PEX13: variants seen among roughly 807,000 people sequenced by gnomAD.
PEX13 encodes peroxisome biogenesis factor 13.
PEX13 carries 28 observed loss-of-function variants against 34.5 expected under a neutral mutation model. That is an observed-to-expected ratio of 0.81 (90% CI 0.60 to 1.11). The LOEUF (loss-of-function observed/expected upper bound fraction) is 1.11, where lower values mean the gene tolerates loss of function less well. Ranked by LOEUF, PEX13 falls within the 50% of genes most tolerant of loss-of-function variation. The pLI is 0.00. For missense variants in PEX13, 550 were observed against 491.0 expected (o/e 1.12, Z -1.13); for synonymous variants, 177 against 175.1 (o/e 1.01, Z -0.09).
intron 2 of PEX13, among the ~76,000 whole-genome samples, chr2:61,036,363 G>T (rs558418188): frequency 4.6e-5 from 7 of 152,136 alleles, no homozygotes; most frequent in Non-Finnish European, 8.8e-5. Context: ...AGGAAAAAAT[G>T]TTAAGAGCAG....
chr2:61,027,832 C>T (rs1680386691), intron 1 of PEX13, among the ~76,000 whole-genome samples: 1 of 152,122 alleles, frequency 6.6e-6, no homozygotes, highest in Non-Finnish European at 1.5e-5. Flanking sequence ...AGCCTGAATG[C>T]ACTGCACTAT....
intron 1 of PEX13, among the ~76,000 whole-genome samples, chr2:61,024,460 C>CACTGAT (rs1411954954): frequency 6.6e-6 from 1 of 152,124 alleles, no homozygotes; most frequent in East Asian, 1.9e-4. Flanking sequence ...ATTTTCTTCC[C>CACTGAT]ATCTCTTTCC....
At chr2:61,031,321 T>A in intron 1 of PEX13, 98 bp from the exon 2 acceptor site, 1 of 872,572 alleles carries the variant, frequency 1.1e-6, no homozygotes. Context: ...TCAGTAGAAT[T>A]TGTCATAGCA....
intron 1 of PEX13, among the ~76,000 whole-genome samples, chr2:61,024,923 AT>A: frequency 6.6e-6 from 1 of 152,108 alleles, no homozygotes; most frequent in Non-Finnish European, 1.5e-5. Context: ...TATAGTTCCT[AT>A]TTTCTTTTGG....
chr2:61,042,142 C>T lies in PEX13; in HGVS notation c.788-3584C>T, dbSNP rs530864212. ...AGAATGTTTTAAAAATTGAAATAATCTGTGATGTGAAAATTATATAGAATT... is the reference window on the plus strand; with the variant it reads ...AGAATGTTTTAAAAATTGAAATAATTTGTGATGTGAAAATTATATAGAATT... On this transcript the variant is annotated intron_variant, in intron 2 of 3. Coordinates refer to ENST00000295030, the MANE Select transcript of PEX13 (RefSeq NM_002618.4). Among the ~76,000 whole-genome samples the T allele has an allele frequency of 3.4e-4, 52 of 152,312 alleles. No homozygotes were observed. The Middle Eastern group carries it at 0.01, about 30-fold the overall frequency.
At chr2:61,031,047 T>C (rs1189153420) in intron 1 of PEX13, among the ~76,000 whole-genome samples, 1 of 152,156 alleles carries the variant, frequency 6.6e-6, no homozygotes, top group African/African-American at 2.4e-5. Flanking sequence ...CCCAGCACTT[T>C]AGGAAACCAA....
intron 2 of PEX13, among the ~76,000 whole-genome samples, chr2:61,043,224 C>T (rs1466591914): frequency 2.0e-5 from 3 of 150,500 alleles, no homozygotes; most frequent in Non-Finnish European, 3.0e-5. Flanking sequence ...AGGCTGGGTT[C>T]GGTGGCTCAT....
chr2:61,026,159 C>T (rs1422766768), intron 1 of PEX13, among the ~76,000 whole-genome samples: 2 of 151,884 alleles, frequency 1.3e-5, no homozygotes, highest in African/African-American at 4.8e-5. Context: ...AAACAGAATT[C>T]CTTCCTATTT....
Position 61,031,848 on chromosome 2 carries a change from C to T in PEX13, c.522C>T (p.His174=). 6.2e-7 allele frequency: 1 copy of T among 1,612,992 alleles called. No homozygotes were observed. Among genetic ancestry groups the T allele is most frequent in the Non-Finnish European group, 8.5e-7 (1 of 1,178,924 alleles). The part of the protein sequence containing the change: ...VANHFSRLKI[H]FTKVFSAFAL... ...ATCACTTTTCCCGATTGAAAATACA[C>T]TTTACAAAAGTGTTTTCAGCTTTTG... The change falls in exon 2 of 4, where the codon CAC becomes CAT. Residue 174 remains histidine (H), a synonymous_variant. Transcript: ENST00000295030.
intron 3 of PEX13, among the ~76,000 whole-genome samples, chr2:61,047,802 G>T (rs1680727507): frequency 6.6e-6 from 1 of 152,138 alleles, no homozygotes; most frequent in South Asian, 2.1e-4. Context: ...AAATTATAAT[G>T]TTGAACTAAA....
chr2:61,044,331 C>T (rs1451086222), intron 2 of PEX13, among the ~76,000 whole-genome samples: 2 of 152,190 alleles, frequency 1.3e-5, no homozygotes, highest in South Asian at 2.1e-4. Context: ...GTGCGTAGTG[C>T]AGTCTCGGCT....
chr2:61,033,552 TAGGG>T (rs775874237), intron 2 of PEX13, among the ~76,000 whole-genome samples: 8 of 152,086 alleles, frequency 5.3e-5, no homozygotes, highest in Non-Finnish European at 1.2e-4. Context: ...GGCAGTCTAA[TAGGG>T]AGAAACAGTA....
chr2:61,018,754 G>A (rs1680173694), intron 1 of PEX13: 1 of 152,450 alleles, frequency 6.6e-6, no homozygotes, highest in African/African-American at 2.4e-5. Context: ...GTTTAATAAG[G>A]ATATATACAT....
At chr2:61,039,472 G>T (rs1265404320) in intron 2 of PEX13, among the ~76,000 whole-genome samples, 1 of 152,010 alleles carries the variant, frequency 6.6e-6, no homozygotes, top group African/African-American at 2.4e-5. Context: ...TGACAAACCT[G>T]ACAAAAACAA....
intron 2 of PEX13, among the ~76,000 whole-genome samples, chr2:61,041,995 T>C (rs545018788): frequency 1.5e-4 from 23 of 152,226 alleles, no homozygotes; most frequent in Non-Finnish European, 2.8e-4. Flanking sequence ...TCCTATTACT[T>C]TAGCTCTTAG....
chr2:61,032,307 G>A (rs142819084), intron 2 of PEX13, among the ~76,000 whole-genome samples, 194 bp downstream of exon 2: 26 of 152,294 alleles, frequency 1.7e-4, no homozygotes, highest in African/African-American at 5.1e-4. Context: ...CAGTTTAATA[G>A]TGCACATTAC....
Position 61,031,641 on chromosome 2 carries a change from C to T in PEX13, c.315C>T (p.Tyr105=). Residue 105 remains tyrosine (Y), a synonymous_variant, in exon 2 of 4, where the codon TAC becomes TAT. Coordinates refer to ENST00000295030, the MANE Select transcript of PEX13 (RefSeq NM_002618.4). ...PYSYGYNGLG[Y]NRLRVDDLPP... ...GTTATGGATATAATGGGCTGGGCTA[C>T]AACCGCCTCCGTGTAGATGATCTTC... 1.2e-6 allele frequency: 2 copies of T among 1,614,134 alleles called. No individual in the cohort carries two copies. Among genetic ancestry groups the T allele is most frequent in the Non-Finnish European group, 1.7e-6 (2 of 1,179,998 alleles).
intron 3 of PEX13, among the ~76,000 whole-genome samples, chr2:61,047,142 A>G (rs1680715808): frequency 6.6e-6 from 1 of 151,086 alleles, no homozygotes; most frequent in South Asian, 2.1e-4. Flanking sequence ...TAGGTATTCT[A>G]TTTGTATTTT....
chr2:61,029,482 G>A (rs887639202), intron 1 of PEX13, among the ~76,000 whole-genome samples: 6 of 152,076 alleles, frequency 3.9e-5, no homozygotes, highest in Admixed American at 6.6e-5. Flanking sequence ...AAACATGTCC[G>A]TACAAAAACT....
Sources: gnomAD v4.1 joint callset for allele counts (sites outside exome capture counted in the v4.1 genomes callset) on GRCh38, gnomAD v4.1.1 for gene constraint, MANE v1.5 for transcripts, NCBI Gene and HGNC (gene_info 2026-07-23, HGNC 2026-07-21) for gene names.